The following TRRAP variants were observed in gnomAD, a reference collection of about 807,000 sequenced individuals.
The protein encoded by TRRAP is transformation/transcription domain-associated protein.
A neutral mutation model predicts 438.8 loss-of-function variants in TRRAP; 41 were observed. The observed-to-expected ratio is 0.09, with a 90% confidence interval of 0.07 to 0.12. TRRAP has a LOEUF of 0.12. Among genes scored for constraint, TRRAP ranks in the 10% least tolerant of loss-of-function variants. TRRAP has a pLI of 1.00. For missense variants in TRRAP, 3,122 were observed against 5,055.1 expected, an observed-to-expected ratio of 0.62 and a Z score of 11.60; for synonymous variants, 1,994 against 1,962.9, an observed-to-expected ratio of 1.02 and a Z score of -0.42.
chr7:98,950,347 G>A (rs1338769949), intron 38 of TRRAP, 85 bp downstream of exon 38: 4 of 1,485,902 alleles, frequency 2.7e-6, no homozygotes, highest in Middle Eastern at 1.9e-4. Context: ...TTTTTTTGCT[G>A]TGTCACTCTT....
intron 22 of TRRAP, among the ~76,000 whole-genome samples, chr7:98,926,813 C>T (rs1463161449): frequency 4.6e-5 from 7 of 151,934 alleles, no homozygotes; most frequent in East Asian, 1.9e-4. Context: ...TCAAGACCAT[C>T]GAGACCAGCC....
At chr7:98,963,452 T>C (rs988806521) in intron 47 of TRRAP, among the ~76,000 whole-genome samples, 2 of 152,120 alleles carry the variant, frequency 1.3e-5, no homozygotes, top group African/African-American at 4.8e-5. Flanking sequence ...AGGGCTGACC[T>C]CATGGGCCCT....
chr7:98,970,686 G>A (rs991107271), intron 52 of TRRAP, among the ~76,000 whole-genome samples: 33 of 151,882 alleles, frequency 2.2e-4, no homozygotes, highest in African/African-American at 7.7e-4. Context: ...TAGTACTGCT[G>A]AGAACAGAAC....
chr7:98,971,173 G>A (rs1217845246), intron 52 of TRRAP, among the ~76,000 whole-genome samples: 1 of 151,946 alleles, frequency 6.6e-6, no homozygotes, highest in Non-Finnish European at 1.5e-5. Context: ...TTTTTTTACT[G>A]TTGCTAAAAC....
Position 98,951,014 on chromosome 7 carries a change from CTA to C in TRRAP, c.5463+12_5463+13del. Reference sequence around the variant, plus strand: ...TGTGTTTATTACCAAGGTGGTATCACTATGTGTGTGGGTGTGAGAAGTAGCCT... The same window carrying C: ...TGTGTTTATTACCAAGGTGGTATCACTGTGTGTGGGTGTGAGAAGTAGCCT... On this transcript the variant is annotated intron_variant, in intron 39 of 72. Coordinates refer to ENST00000456197, the MANE Select transcript of TRRAP (RefSeq NM_001375524.1). 1.3e-6 allele frequency: 2 copies of C among 1,577,884 alleles called. No homozygotes were observed. Among genetic ancestry groups the C allele is most frequent in the South Asian group, 1.2e-5 (1 of 84,588 alleles).
chr7:98,900,847 G>T, intron 11 of TRRAP, 127 bp downstream of exon 11: 1 of 712,330 alleles, frequency 1.4e-6, no homozygotes. Flanking sequence ...ATCAAAATAC[G>T]GTACATTTCC....
intron 4 of TRRAP, among the ~76,000 whole-genome samples, chr7:98,891,955 T>C (rs967339805): frequency 6.6e-6 from 1 of 152,224 alleles, no homozygotes; most frequent in African/African-American, 2.4e-5. Flanking sequence ...ACCTTTTAGT[T>C]GTCAGCTCCA....
At chr7:98,893,694 C>A in intron 5 of TRRAP, 104 bp from the exon 6 acceptor site, 1 of 1,015,602 alleles carries the variant, frequency 9.8e-7, no homozygotes, top group Non-Finnish European at 1.5e-6. Context: ...TTCAGCAAAT[C>A]CAATAGTTGG....
intron 58 of TRRAP, among the ~76,000 whole-genome samples, chr7:98,979,556 G>A (rs1792820254): frequency 6.6e-6 from 1 of 152,226 alleles, no homozygotes; most frequent in South Asian, 2.1e-4. Context: ...AGGACCAGTT[G>A]TATATATTTT....
At chr7:98,910,452 A>G (rs1288582857) in intron 15 of TRRAP, 33 bp downstream of exon 15, 21 of 1,612,784 alleles carry the variant, frequency 1.3e-5, no homozygotes, top group Non-Finnish European at 1.7e-5. Flanking sequence ...TAGACAAACA[A>G]TAGTTTTCAT....
chr7:98,964,616 T>A lies in TRRAP; in HGVS notation c.6830-13T>A. On this transcript the variant is annotated splice_polypyrimidine_tract_variant and intron_variant, in intron 47 of 72. Coordinates refer to ENST00000456197, the MANE Select transcript of TRRAP (RefSeq NM_001375524.1). ...ACTTTTCTGTGAAACACTTGGCAAT[T>A]TCTACATTTTAGGGACCCTTATGAT... 6.2e-7 allele frequency: 1 copy of A among 1,603,138 alleles called. No individual in the cohort carries two copies. The highest frequency in any genetic ancestry group is 2.2e-5 in the East Asian group (1 of 44,744).
In TRRAP at chr7:99,012,715, C is replaced by G; in HGVS notation, c.*360C>G. The G allele has an allele frequency of 4.2e-6, 1 of 239,518 alleles. No homozygotes were observed. Among genetic ancestry groups the G allele is most frequent in the South Asian group, 9.5e-5 (1 of 10,528 alleles). 14.8% of individuals were successfully genotyped at this position (239,518 alleles called of 1,614,324 possible). A position where few individuals can be genotyped will look rare whatever the true frequency, so the allele number is the denominator to read the frequency against. ...GCGGAACTGTACGAACAGCTCCCTT[C>G]CATCCATTTTTAACTCTTTCGGAAA... On this transcript the variant is annotated 3_prime_UTR_variant, in exon 73 of 73. Transcript: ENST00000456197. This position sits in a 1 kb window ranked among gnomAD's most constrained non-coding sequence, Gnocchi z 5.9.
chr7:98,977,194 C>G, intron 56 of TRRAP, 118 bp downstream of exon 56: 2 of 1,425,234 alleles, frequency 1.4e-6, no homozygotes, highest in Non-Finnish European at 1.9e-6. Flanking sequence ...TGGAGTCTTG[C>G]TCTGTCGCCC....
intron 49 of TRRAP, among the ~76,000 whole-genome samples, chr7:98,966,198 C>T (rs1304396249): frequency 6.6e-6 from 1 of 151,186 alleles, no homozygotes; most frequent in Admixed American, 6.6e-5. Flanking sequence ...CCCAGCTACT[C>T]GGGAGGCTGA....
intron 67 of TRRAP, chr7:98,999,042 TG>T: frequency 1.2e-6 from 1 of 838,116 alleles, no homozygotes; most frequent in Non-Finnish European, 1.9e-6. Context: ...CCAAGGTGGA[TG>T]GGAGGAGAAG....
intron 67 of TRRAP, among the ~76,000 whole-genome samples, chr7:99,001,624 CG>C (rs1938200483): frequency 6.6e-6 from 1 of 152,150 alleles, no homozygotes; most frequent in African/African-American, 2.4e-5. Context: ...GTCTCAGACA[CG>C]CACAGCCAGA....
At chr7:98,962,252 G>C in intron 46 of TRRAP, 50 bp from the exon 47 acceptor site, 1 of 1,612,730 alleles carries the variant, frequency 6.2e-7, no homozygotes. Flanking sequence ...ATCAGCACTG[G>C]TGGGCCCAAG....
At chr7:98,985,463 C>G (rs1302525986) in intron 62 of TRRAP, among the ~76,000 whole-genome samples, 2 of 152,234 alleles carry the variant, frequency 1.3e-5, no homozygotes, top group African/African-American at 4.8e-5. Context: ...ACATCCCTCC[C>G]CACTGATGTT....
chr7:98,967,528 C>G lies in TRRAP; in HGVS notation c.7342C>G (p.Pro2448Ala). ...CAGCGAGCTGACGGCGAAACTTGAG[C>G]CTGCCTTTCTCTCTGGGCTGCGCTG... ...SGSELTAKLEPAFLSGLRCAQ... is the reference protein window; with the variant it reads ...SGSELTAKLEAAFLSGLRCAQ... Residue 2448 changes from proline (P) to alanine (A), a missense_variant, in exon 51 of 73, where the codon CCT becomes GCT. Coordinates refer to ENST00000456197, the MANE Select transcript of TRRAP (RefSeq NM_001375524.1). 1 of 1,614,082 alleles carries G rather than the reference C, an allele frequency of 6.2e-7. No homozygotes were observed. The highest frequency in any genetic ancestry group is 1.1e-5 in the South Asian group (1 of 91,076).
Sources: allele counts gnomAD v4.1 joint callset (sites outside exome capture counted in the v4.1 genomes callset), GRCh38; gene constraint gnomAD v4.1.1; non-coding constraint Gnocchi (gnomAD v3.1); transcripts MANE v1.5; gene names NCBI Gene and HGNC (gene_info 2026-07-23, HGNC 2026-07-21).